Variants in AQP7 observed in about 807,000 individuals in gnomAD.
AQP7 encodes the protein aquaporin 7, also known as aquaporin-7.
Under a neutral mutation model 26.1 loss-of-function variants are expected in AQP7, and 22 were observed. The ratio of observed to expected loss-of-function variants is 0.84; its 90% CI spans 0.60 to 1.20. The LOEUF (loss-of-function observed/expected upper bound fraction) is 1.20. Among genes scored for constraint, AQP7 ranks in the 50% most tolerant of loss-of-function variants. The probability of loss-of-function intolerance (pLI) is 0.00; values close to 1 mark genes in which losing one functional copy is unlikely to be tolerated. For missense variants in AQP7, 412 were observed against 457.5 expected (o/e 0.90, Z 0.91); for synonymous variants, 167 against 181.7 (o/e 0.92, Z 0.65).
intron 3 of AQP7, among the ~76,000 whole-genome samples, chr9:33,390,139 A>G (rs1196829587): frequency 6.6e-6 from 1 of 152,154 alleles, no homozygotes; most frequent in Non-Finnish European, 1.5e-5. Context: ...GATCCCGCGA[A>G]GGGGCTGACA....
chr9:33,398,626 C>T (rs1488522883), intron 2 of AQP7, among the ~76,000 whole-genome samples: 4 of 152,140 alleles, frequency 2.6e-5, no homozygotes, highest in Admixed American at 6.5e-5. Context: ...TAGTGTGGGG[C>T]GCAGCAGAGA....
chr9:33,395,842 G>C (rs1230769247), intron 2 of AQP7, among the ~76,000 whole-genome samples: 1 of 152,180 alleles, frequency 6.6e-6, no homozygotes, highest in Non-Finnish European at 1.5e-5. Context: ...AGAGAGGGAG[G>C]GAGAAAAGGA....
chr9:33,395,099 G>A lies in AQP7; in HGVS notation c.123C>T (p.Phe41=), dbSNP rs762121366. 108 of 1,612,658 alleles carry A rather than the reference G, an allele frequency of 6.7e-5. 1 individual carries two copies. The highest frequency in any genetic ancestry group is 8.6e-5 in the Non-Finnish European group (101 of 1,179,144). ...RKMVREFLAE[F]MSTYVMMVFG... ...TCACCATCATGACATATGTGCTCAT[G>A]AACTCGGCCAGGAACTCTCGCACCA... The change falls in exon 3 of 8, where the codon TTC becomes TTT. Residue 41 remains phenylalanine (F), a synonymous_variant. Transcript: ENST00000297988.
intron 2 of AQP7, among the ~76,000 whole-genome samples, chr9:33,397,703 CTCTCCCTAGCAG>C (rs2118859420): frequency 6.6e-6 from 1 of 152,260 alleles, no homozygotes; most frequent in East Asian, 1.9e-4. Context: ...AATGCTGCTG[CTCTCCCTAGCAG>C]GGCGAGGTGA....
In AQP7 at chr9:33,385,191, T is replaced by C. The variant is rs767600442; in HGVS notation, c.843A>G (p.Pro281=). 4.3e-6 allele frequency: 7 copies of C among 1,611,714 alleles called. No homozygotes were observed. Among genetic ancestry groups the C allele is most frequent in the Non-Finnish European group, 5.9e-6 (7 of 1,179,832 alleles). Residue 281 remains proline (P), a synonymous_variant, in exon 8 of 8, where the codon CCA becomes CCG. Transcript: ENST00000297988. ...AATCCTCCAATTTCAGGGGCTCCCG[T>C]GGGATGGTGGAGCCAATGAAGACCA... ...IYLVFIGSTI[P]REPLKLEDSV... is the part of the protein sequence containing the mutation.
In AQP7 at chr9:33,386,114, G is replaced by C. The variant is rs767762794; in HGVS notation, c.488C>G (p.Pro163Arg). Residue 163 changes from proline to arginine, a missense_variant, in exon 6 of 8, where the codon CCT (proline) becomes CGT (arginine). Transcript: ENST00000297988. The stretch of plus-strand genomic sequence containing the variant: ...GCCCCGCCACAATGTCATGTGATCA[G>C]GAAGGTAGGTGGCAAAAATGCCAGC... ...ATAGIFATYL[P>R]DHMTLWRGFL... 5.1e-5 allele frequency: 82 copies of C among 1,613,822 alleles called. No individual in the cohort carries two copies. The South Asian group carries it at 8.8e-4, about 17-fold the overall frequency.
At chr9:33,400,989 G>C (rs1826228932) in intron 2 of AQP7, 1 of 556,286 alleles carries the variant, frequency 1.8e-6, no homozygotes, top group Non-Finnish European at 3.2e-6. Context: ...TGAGTTGAAG[G>C]CCACCTGCAT....
rs1826369202 is a variant in AQP7, at chr9:33,402,505, C to T, written c.-158G>A. 6.5e-6 allele frequency: 1 copy of T among 152,800 alleles called. No individual in the cohort carries two copies. Among genetic ancestry groups the T allele is most frequent in the African/African-American group, 2.4e-5 (1 of 41,462 alleles). The allele number at this position is 152,800 out of a possible 1,614,324, so 9.5% of individuals were successfully genotyped here. A position where few individuals can be genotyped will look rare whatever the true frequency, so the allele number is the denominator to read the frequency against. ...AGCTGGGGCTCAGCTATCCCTGTGT[C>T]CCCAGTCCAGAGCCTGCCTCTCAGC... On this transcript the variant is annotated 5_prime_UTR_variant, in exon 1 of 8. Coordinates refer to ENST00000297988, the MANE Select transcript of AQP7 (RefSeq NM_001170.3).
At chr9:33,386,313 T>G (rs1781944299) in intron 5 of AQP7, 91 bp downstream of exon 5, 1 of 1,595,654 alleles carries the variant, frequency 6.3e-7, no homozygotes, top group Non-Finnish European at 8.6e-7. Context: ...TCCCAGCTAT[T>G]TTTTACAAAT....
At chr9:33,387,299 C>G (rs1824936539) in intron 3 of AQP7, among the ~76,000 whole-genome samples, 1 of 152,134 alleles carries the variant, frequency 6.6e-6, no homozygotes, top group African/African-American at 2.4e-5. Context: ...CAGACCTGAG[C>G]CACTGAGAGC....
In AQP7 at chr9:33,385,287, A is replaced by G. The variant is rs766629103; in HGVS notation, c.747T>C (p.Asn249=). The G allele has an allele frequency of 5.0e-6, 8 of 1,608,938 alleles. No homozygotes were observed. The South Asian group carries it at 5.5e-5, about 11-fold the overall frequency. ...IAGWGKQVFS[N]GENWWWVPVV... is the part of the protein sequence containing the mutation. ...CTGGCACCCACCACCAGTTCTCCCC[A>G]TTGCTGCAGGCAAGAGGCAGAGGCC... The change falls in exon 8 of 8, where the codon AAT becomes AAC. Residue 249 remains asparagine (N), a synonymous_variant. Transcript: ENST00000297988.
At position 33,386,187 on chromosome 9, in the gene AQP7, G is replaced by A. The variant is rs1246565722; in HGVS notation, c.415C>T (p.Leu139Phe). ...ATCAGCTGTCCACCCGAAAAGTGGA[G>A]AATGGCCGCTGCGGAGACACAGACT... ...TIYSLFYTAI[L>F]HFSGGQLMVT... The change falls in exon 6 of 8, where the codon CTC (leucine) becomes TTC (phenylalanine). Residue 139 changes from leucine to phenylalanine, a missense_variant. Leu to Phe is a conservative substitution (Grantham distance 22). Coordinates refer to ENST00000297988, the MANE Select transcript of AQP7 (RefSeq NM_001170.3). 1 of 1,614,012 alleles carries A rather than the reference G, an allele frequency of 6.2e-7. No homozygotes were observed. Among genetic ancestry groups the A allele is most frequent in the Admixed American group, 1.7e-5 (1 of 60,024 alleles).
intron 2 of AQP7, 69 bp downstream of exon 2, chr9:33,401,168 G>A (rs1413201450): frequency 1.3e-6 from 2 of 1,508,994 alleles, no homozygotes; most frequent in South Asian, 1.2e-5. Flanking sequence ...GGATGGAACA[G>A]GGAGGGCACT....
chr9:33,385,765 G>C lies in AQP7; in HGVS notation c.627C>G (p.Leu209=), dbSNP rs533296488. 6.2e-7 allele frequency: 1 copy of C among 1,613,584 alleles called. No individual in the cohort carries two copies. ...CAAGGGACACCCCGATGATGACCAC[G>C]AGGATGCCTATCACCAGCGCCTCTG... ...PGTEALVIGI[L]VVIIGVSLGM... Residue 209 remains leucine, a synonymous_variant, in exon 7 of 8, where the codon CTC becomes CTG. Coordinates refer to ENST00000297988, the MANE Select transcript of AQP7 (RefSeq NM_001170.3).
rs1299353226 is a variant in AQP7, at chr9:33,385,016, C to G, written c.1018G>C (p.Glu340Gln). Residue 340 changes from glutamate to glutamine, a missense_variant, in exon 8 of 8, where the codon GAG becomes CAG. Coordinates refer to ENST00000297988, the MANE Select transcript of AQP7 (RefSeq NM_001170.3). ...APPLHESMALEHF is the reference protein window; with the variant it reads ...APPLHESMALQHF ...CAAATAATCTCTGCTTAGAAGTGCTCTAGGGCCATGGATTCATGTAAGGGT... is the reference window on the plus strand; with the variant it reads ...CAAATAATCTCTGCTTAGAAGTGCTGTAGGGCCATGGATTCATGTAAGGGT... 1.9e-6 allele frequency: 3 copies of G among 1,610,972 alleles called. No homozygotes were observed. Among genetic ancestry groups the G allele is most frequent in the African/African-American group, 1.3e-5 (1 of 74,938 alleles).
rs528383590 is a variant in AQP7 at position 33,400,602 on chromosome 9, C to T, written c.26+635G>A. Among the ~76,000 whole-genome samples the T allele has an allele frequency of 1.9e-3, 296 of 152,054 alleles. 3 individuals are homozygous for T. The South Asian group carries it at 0.03, about 16-fold the overall frequency. On this transcript the variant is annotated intron_variant, in intron 2 of 7. Coordinates refer to ENST00000297988, the MANE Select transcript of AQP7 (RefSeq NM_001170.3). ...TTCAAGAACAGCCTGGCGAACATGG[C>T]GAAACCCCATTTCTACTAAAAATAC...
intron 2 of AQP7, among the ~76,000 whole-genome samples, chr9:33,398,230 T>G (rs12352931): frequency 0.03 from 4,599 of 151,220 alleles, 233 homozygotes; most frequent in African/African-American, 0.11. Context: ...TAAGGCAGTA[T>G]CCAATGTGCA....
chr9:33,401,694 C>CAT (rs1826298485), intron 1 of AQP7: 1 of 248,290 alleles, frequency 4.0e-6, no homozygotes, highest in South Asian at 5.8e-5. Context: ...CACACATGCA[C>CAT]GCATGCACAC....
At chr9:33,401,032 C>T in intron 2 of AQP7, 1 of 602,332 alleles carries the variant, frequency 1.7e-6, no homozygotes, top group Non-Finnish European at 3.0e-6. Context: ...TTCTGAGCCT[C>T]CCCTCACCCC....
Sources: gnomAD v4.1 joint callset for allele counts (sites outside exome capture counted in the v4.1 genomes callset) on GRCh38, gnomAD v4.1.1 for gene constraint, MANE v1.5 for transcripts, NCBI Gene and HGNC (gene_info 2026-07-23, HGNC 2026-07-21) for gene names.